KDM2B: variants seen among roughly 807,000 people sequenced by gnomAD.
KDM2B encodes the protein lysine-specific demethylase 2B.
In KDM2B, 26 loss-of-function variants were observed where a neutral mutation model predicts 150.0. That is an observed-to-expected ratio of 0.17 (90% CI 0.13 to 0.24). The LOEUF is 0.24. KDM2B is among the 10% of genes least tolerant of loss of function. The probability of loss-of-function intolerance (pLI) is 1.00; values close to 1 mark genes in which losing one functional copy is unlikely to be tolerated. For synonymous variants in KDM2B, 734 were observed against 729.5 expected (o/e 1.01, Z -0.10); for missense variants, 1,265 against 1,816.9 (o/e 0.70, Z 5.52).
chr12:121,442,764 G>T lies in KDM2B; in HGVS notation c.2677C>A (p.Pro893Thr). 1 of 1,548,200 alleles carries T rather than the reference G, an allele frequency of 6.5e-7. No homozygotes were observed. The highest frequency in any genetic ancestry group is 8.7e-7 in the Non-Finnish European group (1 of 1,153,344). Residue 893 changes from proline to threonine, a missense_variant, in exon 19 of 23, where the codon CCC becomes ACC. By Grantham distance (38) the Pro-to-Thr change is conservative (BLOSUM62 -1). This residue lies in a region of KDM2B where 418 missense variants were observed against 402.4 expected (regional missense o/e 1.04). Coordinates refer to ENST00000377071, the MANE Select transcript of KDM2B (RefSeq NM_032590.5). This position sits in a 1 kb window ranked among gnomAD's most constrained non-coding sequence, Gnocchi z 7.7. ...NKPLRRFKQE[P>T]EDELPEAPPK... is the part of the protein sequence containing the mutation. ...GGCGCCTCGGGCAGTTCGTCCTCGG[G>T]TTCCTGCTTGAAGCGCCGGAGGGGC...
intron 4 of KDM2B, among the ~76,000 whole-genome samples, chr12:121,552,609 G>A (rs1342384330): frequency 6.6e-6 from 1 of 150,728 alleles, no homozygotes; most frequent in Admixed American, 6.6e-5. Flanking sequence ...GGAGGTGGAG[G>A]TTGCAGTGAG....
intron 12 of KDM2B, among the ~76,000 whole-genome samples, chr12:121,472,548 T>C (rs1445039392): frequency 6.6e-6 from 1 of 152,250 alleles, no homozygotes; most frequent in Non-Finnish European, 1.5e-5. Flanking sequence ...CTAAGCTTTC[T>C]GTTAAGTGAG....
rs954023211 is a variant in KDM2B at position 121,565,475 on chromosome 12, G to A, written c.397+9072C>T. 5.3e-5 allele frequency among the ~76,000 whole-genome samples: 8 copies of A among 151,510 alleles called. No homozygotes were observed. In the East Asian group the frequency reaches 7.8e-4, roughly 15 times the overall value. ...TAGGATTACAGGCATGTGCCACCAC[G>A]CCCAGCTAATTTTCTATTTTTAGTA... On this transcript the variant is annotated intron_variant, in intron 4 of 22. Coordinates refer to ENST00000377071, the MANE Select transcript of KDM2B (RefSeq NM_032590.5).
At chr12:121,476,295 C>CA (rs150541167) in intron 12 of KDM2B, among the ~76,000 whole-genome samples, 3,135 of 133,740 alleles carry the variant, frequency 0.023, 87 homozygotes, top group East Asian at 0.087. Flanking sequence ...GACTTCGCCT[C>CA]AAAAAAAAAA....
intron 12 of KDM2B, among the ~76,000 whole-genome samples, chr12:121,482,419 C>G (rs1455878118): frequency 4.6e-5 from 7 of 152,176 alleles, no homozygotes; most frequent in African/African-American, 1.4e-4. Flanking sequence ...TCTCCTGCCT[C>G]AGCCTCCTGG....
rs542705314 is a variant in KDM2B at position 121,493,495 on chromosome 12, C to G, written c.1734+1084G>C. Among the ~76,000 whole-genome samples, 166 of 152,290 alleles carry G rather than the reference C, an allele frequency of 1.1e-3. 1 individual carries two copies. Among genetic ancestry groups the G allele is most frequent in the African/African-American group, 3.7e-3 (155 of 41,554 alleles). On this transcript the variant is annotated intron_variant, in intron 12 of 22. Transcript: ENST00000377071. The stretch of plus-strand genomic sequence containing the variant: ...AGGCAGACGGATGGTACAGAGATGA[C>G]CTGATACATATGTATCCCACCTAGG...
At chr12:121,438,590 G>C (rs528756475) in intron 22 of KDM2B, among the ~76,000 whole-genome samples, 2 of 152,088 alleles carry the variant, frequency 1.3e-5, no homozygotes, top group Non-Finnish European at 2.9e-5. Context: ...GCGTCCACGA[G>C]GTGGAACAAT....
intron 4 of KDM2B, among the ~76,000 whole-genome samples, chr12:121,571,236 G>C (rs1891065764): frequency 6.6e-6 from 1 of 152,230 alleles, no homozygotes; most frequent in Non-Finnish European, 1.5e-5. Flanking sequence ...AAATATTCTG[G>C]AATTTAGTGG....
chr12:121,424,871 A>G (rs1312293476), downstream of KDM2B, among the ~76,000 whole-genome samples: 2 of 152,168 alleles, frequency 1.3e-5, no homozygotes, highest in African/African-American at 2.4e-5. Flanking sequence ...CCTCAAAGCA[A>G]CTTTCTGAAA....
intron 4 of KDM2B, among the ~76,000 whole-genome samples, chr12:121,552,174 G>A (rs1555311919): frequency 6.6e-6 from 1 of 152,300 alleles, no homozygotes; most frequent in African/African-American, 2.4e-5. Context: ...TAGGTTCATC[G>A]TGGTCACAGC....
chr12:121,486,036 C>T (rs1882714763), intron 12 of KDM2B, among the ~76,000 whole-genome samples: 1 of 151,998 alleles, frequency 6.6e-6, no homozygotes, highest in Non-Finnish European at 1.5e-5. Flanking sequence ...CTCAGCCTCC[C>T]AAAGTGCTGG....
Position 121,549,978 on chromosome 12 carries a change from C to T in KDM2B, c.398-340G>A, listed in dbSNP as rs556806317. Among the ~76,000 whole-genome samples the T allele has an allele frequency of 2.0e-5, 3 of 152,276 alleles. No homozygotes were observed. In the East Asian group the frequency reaches 5.8e-4, roughly 29 times the overall value. On this transcript the variant is annotated intron_variant, in intron 4 of 22. Coordinates refer to ENST00000377071, the MANE Select transcript of KDM2B (RefSeq NM_032590.5). This position sits in a 1 kb window ranked among gnomAD's most constrained non-coding sequence, Gnocchi z 4.4. Reference sequence around the variant, plus strand: ...ATCACCTGAGGTCAGGAGTTTGAGACCAGCCTGGCCAACATGGTGAAACCC... The same window carrying T: ...ATCACCTGAGGTCAGGAGTTTGAGATCAGCCTGGCCAACATGGTGAAACCC...
intron 9 of KDM2B, among the ~76,000 whole-genome samples, chr12:121,519,371 G>A (rs1352626073): frequency 6.6e-6 from 1 of 152,118 alleles, no homozygotes; most frequent in Non-Finnish European, 1.5e-5. Context: ...CACCTCACTG[G>A]GGCAAAAAGC....
chr12:121,536,176 C>CAGAGGGCTCCAGAGG (rs1382806734), intron 6 of KDM2B: 2 of 847,344 alleles, frequency 2.4e-6, no homozygotes, highest in Non-Finnish European at 2.8e-6. Context: ...CTCCTGGTGC[C>CAGAGGGCTCCAGAGG]CCCTCCCTCT....
At chr12:121,449,515 C>T (rs546995810) in intron 13 of KDM2B, among the ~76,000 whole-genome samples, 5 of 152,226 alleles carry the variant, frequency 3.3e-5, no homozygotes, top group South Asian at 2.1e-4. Flanking sequence ...AACCAGCATG[C>T]GCTGTGCCAG....
chr12:121,564,707 A>T (rs1890574892), intron 4 of KDM2B, among the ~76,000 whole-genome samples: 2 of 152,176 alleles, frequency 1.3e-5, no homozygotes, highest in Non-Finnish European at 2.9e-5. Context: ...TTGATCCACA[A>T]AATCAACAAG....
intron 11 of KDM2B, among the ~76,000 whole-genome samples, chr12:121,502,760 C>CAAAAAAAA (rs3080029): frequency 4.4e-5 from 2 of 45,182 alleles, no homozygotes; most frequent in African/African-American, 1.2e-4. Context: ...CCATCTCTAC[C>CAAAAAAAA]AAAAAAAAAA....
upstream of KDM2B, among the ~76,000 whole-genome samples, chr12:121,582,154 A>G (rs1555318186): frequency 6.6e-6 from 1 of 152,158 alleles, no homozygotes; most frequent in Non-Finnish European, 1.5e-5. Flanking sequence ...CTTTCTCACA[A>G]GAACCCTTTA....
chr12:121,435,407 A>G (rs1324594575), intron 22 of KDM2B, among the ~76,000 whole-genome samples: 2 of 152,224 alleles, frequency 1.3e-5, no homozygotes, highest in Non-Finnish European at 2.9e-5. Flanking sequence ...GCAGAAAAGA[A>G]TGATTATTCT....
Sources: allele counts gnomAD v4.1 joint callset (sites outside exome capture counted in the v4.1 genomes callset), GRCh38; gene constraint gnomAD v4.1.1; regional missense constraint gnomAD v4.1.1; non-coding constraint Gnocchi (gnomAD v3.1); transcripts MANE v1.5; gene names NCBI Gene and HGNC (gene_info 2026-07-23, HGNC 2026-07-21).